PIK3CB: variants seen among roughly 807,000 people sequenced by gnomAD.
PIK3CB encodes the protein phosphatidylinositol-4,5-bisphosphate 3-kinase catalytic subunit beta.
Under a neutral mutation model 136.8 loss-of-function variants are expected in PIK3CB, and 39 were observed. The observed-to-expected ratio is 0.29, with a 90% CI of 0.22 to 0.37. PIK3CB has a LOEUF of 0.37. Among genes scored for constraint, PIK3CB ranks in the 10% least tolerant of loss-of-function variants. The pLI, the probability that PIK3CB is intolerant of heterozygous loss-of-function variation, is 1.00. For missense variants in PIK3CB, 868 were observed against 1,275.4 expected (o/e 0.68, Z 4.87); for synonymous variants, 428 against 436.6 (o/e 0.98, Z 0.25).
intron 2 of PIK3CB, among the ~76,000 whole-genome samples, chr3:138,766,407 A>G (rs1230279583): frequency 1.3e-5 from 2 of 152,236 alleles, no homozygotes; most frequent in Admixed American, 6.5e-5. Context: ...TATCTGTGCT[A>G]TATTTCACAT....
Position 138,662,721 on chromosome 3 carries a change from C to T in PIK3CB, c.2796+1185G>A, listed in dbSNP as rs1293743654. ...CACAATGGTTGAACTAGTTTACAGT[C>T]CCACCAACAATGTAAAAGTGTTCCT... On this transcript the variant is annotated intron_variant, in intron 21 of 23. Transcript: ENST00000674063. Among the ~76,000 whole-genome samples, 5 of 151,916 alleles carry T rather than the reference C, an allele frequency of 3.3e-5. No homozygotes were observed. In the East Asian group the frequency reaches 9.7e-4, roughly 30 times the overall value.
intron 6 of PIK3CB, among the ~76,000 whole-genome samples, chr3:138,735,177 G>A (rs1444098199): frequency 1.3e-5 from 2 of 151,870 alleles, no homozygotes; most frequent in East Asian, 3.9e-4. Context: ...TTGAACTCCT[G>A]AGCTGAAGTG....
intron 1 of PIK3CB, among the ~76,000 whole-genome samples, chr3:138,801,481 A>G (rs1273061977): frequency 6.6e-6 from 1 of 152,128 alleles, no homozygotes; most frequent in Non-Finnish European, 1.5e-5. Context: ...CTGTAATCCT[A>G]AAGCTTTGAG....
At chr3:138,697,353 T>C (rs562538199) in intron 13 of PIK3CB, among the ~76,000 whole-genome samples, 73 of 152,314 alleles carry the variant, frequency 4.8e-4, no homozygotes, top group African/African-American at 1.7e-3. Flanking sequence ...CAGTCTAATT[T>C]GGTCTAAGGT....
At chr3:138,704,418 G>A (rs2044320736) in intron 12 of PIK3CB, 25 bp downstream of exon 12, 3 of 1,502,132 alleles carry the variant, frequency 2.0e-6, no homozygotes, top group African/African-American at 1.4e-5. Context: ...ATAAGAAAGG[G>A]CCATTTAAAA....
At chr3:138,784,889 T>C (rs564734877) in intron 2 of PIK3CB, among the ~76,000 whole-genome samples, 5 of 149,168 alleles carry the variant, frequency 3.4e-5, no homozygotes, top group East Asian at 2.0e-4. Flanking sequence ...TGGCCACCCA[T>C]GGTCTGGGAT....
At chr3:138,815,368 A>AAAAAC (rs1933278176) in intron 1 of PIK3CB, among the ~76,000 whole-genome samples, 2 of 105,908 alleles carry the variant, frequency 1.9e-5, no homozygotes, top group Non-Finnish European at 3.9e-5. Context: ...AAAAAAAAAA[A>AAAAAC]AAAAAAACTA....
intron 1 of PIK3CB, among the ~76,000 whole-genome samples, chr3:138,816,529 A>T (rs1933336708): frequency 6.6e-6 from 1 of 152,034 alleles, no homozygotes; most frequent in African/African-American, 2.4e-5. Context: ...AGGAGGCCAG[A>T]GGTTGCAGTG....
intron 1 of PIK3CB, among the ~76,000 whole-genome samples, chr3:138,810,323 T>C (rs78326449): frequency 0.031 from 4,690 of 152,186 alleles, 243 homozygotes; most frequent in African/African-American, 0.11. Flanking sequence ...CTGCACATAG[T>C]GCCTTCCTTC....
intron 1 of PIK3CB, chr3:138,825,571 T>C (rs1933744336): frequency 3.1e-6 from 2 of 641,036 alleles, no homozygotes; most frequent in Admixed American, 2.4e-5. Flanking sequence ...TAACATGCCT[T>C]GGTTCATGGG....
intron 13 of PIK3CB, among the ~76,000 whole-genome samples, chr3:138,698,284 C>A (rs1362758690): frequency 6.6e-6 from 1 of 152,062 alleles, no homozygotes; most frequent in Non-Finnish European, 1.5e-5. Flanking sequence ...GATTAAAAAA[C>A]CCATTTCAAA....
intron 1 of PIK3CB, among the ~76,000 whole-genome samples, chr3:138,821,494 A>G (rs1933562027): frequency 6.6e-6 from 1 of 152,028 alleles, no homozygotes. Flanking sequence ...GTTAGAAAAA[A>G]TATTAATAGC....
At chr3:138,716,866 C>T in intron 8 of PIK3CB, among the ~76,000 whole-genome samples, 1 of 127,642 alleles carries the variant, frequency 7.8e-6, no homozygotes, top group Middle Eastern at 6.3e-3. Flanking sequence ...TACACTCCAG[C>T]CTGGGTGACA....
At chr3:138,776,227 A>T (rs1449609259) in intron 2 of PIK3CB, among the ~76,000 whole-genome samples, 2 of 152,126 alleles carry the variant, frequency 1.3e-5, no homozygotes, top group Non-Finnish European at 2.9e-5. Context: ...AAGAAAAATG[A>T]CATTAGTATC....
At chr3:138,704,200 C>G (rs956905100) in intron 12 of PIK3CB, among the ~76,000 whole-genome samples, 1 of 152,116 alleles carries the variant, frequency 6.6e-6, no homozygotes, top group Admixed American at 6.5e-5. Context: ...GCCACAGAAT[C>G]CCTTATAGAT....
intron 8 of PIK3CB, among the ~76,000 whole-genome samples, chr3:138,731,844 G>T (rs911597068): frequency 6.6e-6 from 1 of 151,790 alleles, no homozygotes; most frequent in Non-Finnish European, 1.5e-5. Flanking sequence ...TTAGCCAGGT[G>T]TGGTGGCGTG....
In PIK3CB at chr3:138,716,317, G is replaced by A. The variant is rs532843547; in HGVS notation, c.1051-1598C>T. ...TGAGATGTTACTCCTTTGCTCCTCT[G>A]CATTGGAAAAATCTTCCTCCAGCAG... On this transcript the variant is annotated intron_variant, in intron 8 of 23. Coordinates refer to ENST00000674063, the MANE Select transcript of PIK3CB (RefSeq NM_006219.3). 3.9e-5 allele frequency among the ~76,000 whole-genome samples: 6 copies of A among 152,124 alleles called. No individual in the cohort carries two copies. In the East Asian group the frequency reaches 5.8e-4, roughly 15 times the overall value.
At chr3:138,833,869 C>T (rs529627319) in intron 1 of PIK3CB, among the ~76,000 whole-genome samples, 1 of 152,158 alleles carries the variant, frequency 6.6e-6, no homozygotes, top group Non-Finnish European at 1.5e-5. Flanking sequence ...AGCAGTAATT[C>T]CCACTCAGTA....
At chr3:138,656,718 T>C (rs963435355) in intron 22 of PIK3CB, among the ~76,000 whole-genome samples, 3 of 152,158 alleles carry the variant, frequency 2.0e-5, no homozygotes, top group African/African-American at 7.2e-5. Context: ...TGCTCCTTCC[T>C]GTCATCCTGC....
Sources: allele counts gnomAD v4.1 joint callset (sites outside exome capture counted in the v4.1 genomes callset), GRCh38; gene constraint gnomAD v4.1.1; transcripts MANE v1.5; gene names NCBI Gene and HGNC (gene_info 2026-07-23, HGNC 2026-07-21).